The following GLYR1 variants were observed in gnomAD, a reference collection of about 807,000 sequenced individuals.
The protein encoded by GLYR1 is glyoxylate reductase 1 homolog.
Under a neutral mutation model 72.7 loss-of-function variants are expected in GLYR1, and 21 were observed. The ratio of observed to expected loss-of-function variants is 0.29; its 90% CI spans 0.20 to 0.42. The LOEUF (loss-of-function observed/expected upper bound fraction) is 0.42, where lower values mean the gene tolerates loss of function less well. GLYR1 is among the 10% of genes least tolerant of loss of function. The probability of loss-of-function intolerance (pLI) is 1.00; values close to 1 mark genes in which losing one functional copy is unlikely to be tolerated. For missense variants in GLYR1, 594 were observed against 712.1 expected (o/e 0.83, Z 1.89); for synonymous variants, 392 against 270.2 (o/e 1.45, Z -4.42).
chr16:4,812,861 A>G (rs1214065484), intron 12 of GLYR1, among the ~76,000 whole-genome samples: 2 of 150,750 alleles, frequency 1.3e-5, no homozygotes, highest in Non-Finnish European at 2.9e-5. Context: ...CAGTGGCGCA[A>G]TCTCAGCTCA....
intron 15 of GLYR1, among the ~76,000 whole-genome samples, chr16:4,810,033 T>G (rs969097024): frequency 6.6e-6 from 1 of 152,090 alleles, no homozygotes; most frequent in African/African-American, 2.4e-5. Flanking sequence ...TCATTAGATA[T>G]CTAGGAAAAC....
Position 4,832,219 on chromosome 16 carries a change from C to A in GLYR1, c.297G>T (p.Thr99=). The A allele has an allele frequency of 6.2e-7, 1 of 1,613,860 alleles. No homozygotes were observed. Among genetic ancestry groups the A allele is most frequent in the Non-Finnish European group, 8.5e-7 (1 of 1,179,904 alleles). ...TGTCATCAGAAGAATTGTGGGATGA[C>A]GTCTGAAAGTTTAATAATAATAATG... ...FLRRAKGKDQ[T]SSHNSSDDKN... The change falls in exon 5 of 16, where the codon ACG becomes ACT. Residue 99 remains threonine (T), a splice_region_variant and synonymous_variant. Transcript: ENST00000321919.
chr16:4,832,512 T>C, intron 4 of GLYR1: 1 of 570,364 alleles, frequency 1.8e-6, no homozygotes, highest in Admixed American at 3.4e-5. Context: ...AAGGAAGAAA[T>C]GGCCTGTGCT....
At chr16:4,814,023 T>C (rs775779000) in intron 11 of GLYR1, 185 bp from the exon 12 acceptor site, 87 of 494,372 alleles carry the variant, frequency 1.8e-4, no homozygotes, top group Non-Finnish European at 2.6e-4. Context: ...CCCATTTATC[T>C]TTAAAAAGAA....
chr16:4,845,066 C>G lies in GLYR1; in HGVS notation c.155+8G>C, dbSNP rs752120415. ...GGCGAAGGGAGACTCCTGGTGAGTACTACTCACTGATCTTCTGTTCCAAAA... is the reference window on the plus strand; with the variant it reads ...GGCGAAGGGAGACTCCTGGTGAGTAGTACTCACTGATCTTCTGTTCCAAAA... On this transcript the variant is annotated splice_region_variant and intron_variant, in intron 3 of 15. Coordinates refer to ENST00000321919, the MANE Select transcript of GLYR1 (RefSeq NM_032569.4). 1.9e-6 allele frequency: 3 copies of G among 1,592,648 alleles called. No individual in the cohort carries two copies. Among genetic ancestry groups the G allele is most frequent in the Non-Finnish European group, 2.6e-6 (3 of 1,160,498 alleles).
chr16:4,824,507 A>G (rs1032409301), intron 5 of GLYR1, among the ~76,000 whole-genome samples: 12 of 151,436 alleles, frequency 7.9e-5, no homozygotes, highest in Admixed American at 6.6e-5. Flanking sequence ...TCAAAAAAAA[A>G]AAAAAAAAGA....
intron 9 of GLYR1, among the ~76,000 whole-genome samples, chr16:4,818,604 A>G (rs1480922318): frequency 6.6e-6 from 1 of 152,150 alleles, no homozygotes; most frequent in Non-Finnish European, 1.5e-5. Flanking sequence ...TTTAAAGCCC[A>G]ACAGAATCCA....
chr16:4,813,894 G>A (rs747531157), intron 11 of GLYR1, 56 bp from the exon 12 acceptor site: 200 of 1,370,806 alleles, frequency 1.5e-4, no homozygotes, highest in Non-Finnish European at 4.9e-5. Flanking sequence ...ATGCTCAGGA[G>A]CCCTACAGAC....
chr16:4,833,108 A>G, intron 3 of GLYR1, 196 bp from the exon 4 acceptor site: 1 of 449,710 alleles, frequency 2.2e-6, no homozygotes, highest in Non-Finnish European at 3.9e-6. Context: ...GAAACAAGTC[A>G]AGCAGAACAA....
At chr16:4,816,406 G>T (rs74355225) in intron 10 of GLYR1, among the ~76,000 whole-genome samples, 11,051 of 152,060 alleles carry the variant, frequency 0.073, 429 homozygotes, top group African/African-American at 0.12. Flanking sequence ...GCCTCCCAAG[G>T]TGCTAGGATT....
chr16:4,814,021 T>C (rs1447412865), intron 11 of GLYR1, 183 bp from the exon 12 acceptor site: 2 of 493,816 alleles, frequency 4.1e-6, no homozygotes, highest in African/African-American at 2.0e-5. Flanking sequence ...CTCCCATTTA[T>C]CTTTAAAAAG....
chr16:4,828,230 C>T (rs561892909), intron 5 of GLYR1, among the ~76,000 whole-genome samples: 41 of 151,724 alleles, frequency 2.7e-4, no homozygotes, highest in African/African-American at 8.2e-4. Context: ...CCACCATGCC[C>T]GGCTAATTTT....
At chr16:4,843,326 TG>T in intron 3 of GLYR1, 1 of 352,354 alleles carries the variant, frequency 2.8e-6, no homozygotes, top group East Asian at 1.1e-4. Context: ...GGCTAATTTT[TG>T]TATTTTTTGT....
intron 9 of GLYR1, among the ~76,000 whole-genome samples, chr16:4,820,955 CTCA>C (rs2083980295): frequency 6.6e-6 from 1 of 152,238 alleles, no homozygotes; most frequent in Admixed American, 6.5e-5. Flanking sequence ...ATTTTGGGGC[CTCA>C]TCATGATTCT....
rs904296135 is a variant in GLYR1, at chr16:4,822,577, G to C, written c.681+298C>G. On this transcript the variant is annotated intron_variant, in intron 7 of 15. Transcript: ENST00000321919. ...AGCTAATTTTTCTATTTTTAGTAGA[G>C]ATGAGGTTTCACCATGTTGGTCAGA... Among the ~76,000 whole-genome samples the C allele has an allele frequency of 3.9e-5, 6 of 152,306 alleles. No individual in the cohort carries two copies. The East Asian group carries it at 5.8e-4, about 15-fold the overall frequency.
intron 3 of GLYR1, among the ~76,000 whole-genome samples, chr16:4,833,855 T>A (rs2084951414): frequency 6.6e-6 from 1 of 152,212 alleles, no homozygotes; most frequent in Non-Finnish European, 1.5e-5. Context: ...GCATGCAGCT[T>A]ATAGAATCCA....
intron 5 of GLYR1, among the ~76,000 whole-genome samples, chr16:4,830,560 G>A (rs904453816): frequency 2.0e-5 from 3 of 152,152 alleles, no homozygotes; most frequent in Admixed American, 6.5e-5. Context: ...TTACCTGCCT[G>A]GGCTCGCTGG....
chr16:4,842,752 T>C (rs553039202), intron 3 of GLYR1, among the ~76,000 whole-genome samples: 2 of 152,276 alleles, frequency 1.3e-5, no homozygotes, highest in Admixed American at 6.5e-5. Context: ...CAGACTGGAG[T>C]GCAGTGGCGC....
chr16:4,814,490 T>A (rs757145412), intron 11 of GLYR1, 47 bp downstream of exon 11: 1 of 1,435,936 alleles, frequency 7.0e-7, no homozygotes. Context: ...CAGCCAGCAA[T>A]CCTGGCTGTG....
Sources: allele counts gnomAD v4.1 joint callset (sites outside exome capture counted in the v4.1 genomes callset), GRCh38; gene constraint gnomAD v4.1.1; transcripts MANE v1.5; gene names NCBI Gene and HGNC (gene_info 2026-07-23, HGNC 2026-07-21).